PDE1C: variants seen among roughly 807,000 people sequenced by gnomAD.
PDE1C encodes phosphodiesterase 1C.
PDE1C carries 62 observed loss-of-function variants against 93.1 expected under a neutral mutation model. The ratio of observed to expected loss-of-function variants is 0.67; its 90% CI spans 0.54 to 0.82. The LOEUF (loss-of-function observed/expected upper bound fraction) is 0.82. Ranked by LOEUF, PDE1C falls within the 40% of genes least tolerant of loss-of-function variation. PDE1C has a pLI of 0.00. For missense variants in PDE1C, 742 were observed against 884.6 expected, an observed-to-expected ratio of 0.84 and a Z score of 2.04; for synonymous variants, 325 against 310.1, an observed-to-expected ratio of 1.05 and a Z score of -0.50.
intron 1 of PDE1C, among the ~76,000 whole-genome samples, chr7:32,248,874 G>A (rs1032480866): frequency 1.3e-5 from 2 of 152,186 alleles, no homozygotes; most frequent in African/African-American, 4.8e-5. Flanking sequence ...GAATGCTGCT[G>A]TGTATGGGAA....
intron 1 of PDE1C, among the ~76,000 whole-genome samples, chr7:32,225,544 G>A (rs1288830632): frequency 4.6e-5 from 7 of 152,150 alleles, no homozygotes; most frequent in Admixed American, 3.9e-4. Context: ...GGGTTCTTGT[G>A]TTAGGTGGGA....
intron 1 of PDE1C, among the ~76,000 whole-genome samples, chr7:32,265,179 C>G (rs1012441126): frequency 6.6e-6 from 1 of 152,198 alleles, no homozygotes. Flanking sequence ...GTCTCACTAC[C>G]CCTTAGCCCA....
intron 7 of PDE1C, among the ~76,000 whole-genome samples, chr7:31,859,215 T>C (rs936741136): frequency 6.0e-5 from 9 of 149,648 alleles, no homozygotes; most frequent in Non-Finnish European, 1.3e-4. Context: ...TATATATATG[T>C]AAACAGCCTA....
intron 1 of PDE1C, among the ~76,000 whole-genome samples, chr7:32,285,667 G>A (rs1811948903): frequency 1.3e-5 from 2 of 150,684 alleles, no homozygotes; most frequent in South Asian, 4.2e-4. Context: ...AGGGAGAAAA[G>A]GAACAGGAAG....
chr7:32,113,709 C>T (rs1053802106), intron 3 of PDE1C, among the ~76,000 whole-genome samples: 2 of 152,042 alleles, frequency 1.3e-5, no homozygotes, highest in Non-Finnish European at 2.9e-5. Flanking sequence ...TTTCCCTACT[C>T]AGATGGTATA....
chr7:31,866,401 A>G (rs1343544577), intron 6 of PDE1C, among the ~76,000 whole-genome samples: 1 of 152,182 alleles, frequency 6.6e-6, no homozygotes, highest in Non-Finnish European at 1.5e-5. Context: ...GGGTTGTTTC[A>G]CAGAGATCTA....
chr7:32,051,225 G>C lies in PDE1C; in HGVS notation c.128+329C>G, dbSNP rs116654900. ...AAACATGTTATATAAAGACCGCTTT[G>C]TGCTCCCCATCCATAAACCTTCAGC... On this transcript the variant is annotated intron_variant, in intron 2 of 17. Transcript: ENST00000396191. Among the ~76,000 whole-genome samples, 1,151 of 152,250 alleles carry C rather than the reference G, an allele frequency of 7.6e-3. 12 individuals carry two copies. Among genetic ancestry groups the C allele is most frequent in the African/African-American group, 0.026 (1,075 of 41,536 alleles).
In PDE1C at chr7:32,011,383, A is replaced by G. The variant is rs544140958; in HGVS notation, c.128+40171T>C. Among the ~76,000 whole-genome samples the G allele has an allele frequency of 8.5e-5, 13 of 152,106 alleles. No homozygotes were observed. The East Asian group carries it at 2.5e-3, about 29-fold the overall frequency. ...AATTTTTTGTATTTTTAGTAGAGAC[A>G]GGGTTTTGCCGTGTTAGCCAGGATG... On this transcript the variant is annotated intron_variant, in intron 2 of 17. Coordinates refer to ENST00000396191, the MANE Select transcript of PDE1C (RefSeq NM_001191057.4).
intron 1 of PDE1C, among the ~76,000 whole-genome samples, chr7:32,397,220 C>G (rs943487924): frequency 6.6e-6 from 1 of 151,952 alleles, no homozygotes; most frequent in African/African-American, 2.4e-5. Flanking sequence ...GATAAAGGGC[C>G]AATATCCTAA....
Position 31,752,701 on chromosome 7 carries a change from C to T in PDE1C, c.*683G>A. 1 of 152,086 alleles carries T rather than the reference C, an allele frequency of 6.6e-6. No individual in the cohort carries two copies. Among genetic ancestry groups the T allele is most frequent in the African/African-American group, 2.4e-5 (1 of 41,416 alleles). 9.4% of individuals were successfully genotyped at this position (152,086 alleles called of 1,614,324 possible). On this transcript the variant is annotated 3_prime_UTR_variant, in exon 18 of 18. Coordinates refer to ENST00000396191, the MANE Select transcript of PDE1C (RefSeq NM_001191057.4). ...GCAAACCTTCACATCCTTCAAAGTA[C>T]ATGAGGTTATTGGGCATGAGGCACA... is the stretch of plus-strand genomic sequence containing the variant.
intron 1 of PDE1C, among the ~76,000 whole-genome samples, chr7:32,298,065 C>CTCCTCTCTCT (rs1562660556): frequency 9.0e-4 from 19 of 21,174 alleles, no homozygotes; most frequent in South Asian, 2.1e-3. Context: ...TCTCTCTCTC[C>CTCCTCTCTCT]CCTCTCTCTC....
the PDE1C span, chr7:31,658,222 G>GA: frequency 4.6e-5 from 67 of 1,450,658 alleles, no homozygotes; most frequent in Non-Finnish European, 5.9e-5. Context: ...ACACTTCCCA[G>GA]AAAAATGTTG....
the PDE1C span, among the ~76,000 whole-genome samples, chr7:31,727,385 A>G: frequency 5.3e-5 from 8 of 152,338 alleles, no homozygotes; most frequent in East Asian, 1.5e-3. Context: ...ATTATGTTCC[A>G]TTCAATGAAT....
At chr7:31,924,045 C>A (rs1803013518) in intron 2 of PDE1C, among the ~76,000 whole-genome samples, 1 of 152,084 alleles carries the variant, frequency 6.6e-6, no homozygotes. Flanking sequence ...TTTTAAAATC[C>A]TGATGTGAGG....
chr7:31,982,665 G>T (rs1812548171), intron 2 of PDE1C, among the ~76,000 whole-genome samples: 1 of 151,962 alleles, frequency 6.6e-6, no homozygotes, highest in African/African-American at 2.4e-5. Flanking sequence ...CGCAAAAAGT[G>T]CCTAATTGGA....
chr7:32,193,906 G>A (rs1172095704), intron 2 of PDE1C, among the ~76,000 whole-genome samples: 1 of 119,706 alleles, frequency 8.4e-6, no homozygotes, highest in African/African-American at 3.0e-5. Flanking sequence ...TTTTTTTTTG[G>A]TTTTGTTTTG....
At chr7:31,989,447 A>T (rs1783884734) in intron 2 of PDE1C, among the ~76,000 whole-genome samples, 1 of 152,190 alleles carries the variant, frequency 6.6e-6, no homozygotes, top group Non-Finnish European at 1.5e-5. Flanking sequence ...TATACATTAC[A>T]TACATACATG....
chr7:32,155,255 T>C (rs1212292083), intron 3 of PDE1C, among the ~76,000 whole-genome samples: 1 of 152,234 alleles, frequency 6.6e-6, no homozygotes, highest in Non-Finnish European at 1.5e-5. Flanking sequence ...CAACTGATAG[T>C]AGGATCTTGA....
intron 2 of PDE1C, among the ~76,000 whole-genome samples, chr7:31,980,772 T>C (rs1414870959): frequency 1.3e-5 from 2 of 152,198 alleles, no homozygotes; most frequent in Admixed American, 1.3e-4. Context: ...AGAATCAGTT[T>C]CCTTGCCTTT....
Sources: gnomAD v4.1 joint callset for allele counts (sites outside exome capture counted in the v4.1 genomes callset) on GRCh38, gnomAD v4.1.1 for gene constraint, MANE v1.5 for transcripts, NCBI Gene and HGNC (gene_info 2026-07-23, HGNC 2026-07-21) for gene names.